Variants in SSH1 observed in about 807,000 individuals in gnomAD.
The protein encoded by SSH1 is slingshot protein phosphatase 1.
A neutral mutation model predicts 79.7 loss-of-function variants in SSH1; 43 were observed. That is an observed-to-expected ratio of 0.54 (90% CI 0.42 to 0.70). The LOEUF is 0.70. Ranked by LOEUF, SSH1 falls within the 30% of genes least tolerant of loss-of-function variation. SSH1 has a pLI of 0.00. For synonymous variants in SSH1, 599 were observed against 538.3 expected (o/e 1.11, Z -1.56); for missense variants, 1,206 against 1,358.8 (o/e 0.89, Z 1.77).
At chr12:108,823,435 G>A in intron 2 of SSH1, 74 bp from the exon 3 acceptor site, 1 of 1,285,554 alleles carries the variant, frequency 7.8e-7, no homozygotes, top group Admixed American at 2.0e-5. Context: ...TACTGCAGGG[G>A]AAAAAGCTTT....
At chr12:108,823,904 G>C (rs1040358622) in intron 2 of SSH1, among the ~76,000 whole-genome samples, 9 of 152,184 alleles carry the variant, frequency 5.9e-5, no homozygotes, top group African/African-American at 2.2e-4. Context: ...CTGACCTCCA[G>C]CAATCTGCCT....
intron 2 of SSH1, among the ~76,000 whole-genome samples, chr12:108,851,981 G>A (rs1056468790): frequency 3.3e-5 from 5 of 152,108 alleles, no homozygotes; most frequent in Non-Finnish European, 7.3e-5. Context: ...GGCCAAGCAG[G>A]AAGATGTCTT....
At chr12:108,806,439 T>C in intron 8 of SSH1, 45 bp from the exon 9 acceptor site, 1 of 1,584,614 alleles carries the variant, frequency 6.3e-7, no homozygotes, top group Non-Finnish European at 8.7e-7. Flanking sequence ...TGTAGAAAGC[T>C]TGTGGTCGGA....
In SSH1 at chr12:108,857,533, G is replaced by T; in HGVS notation, c.-37C>A. 1 of 1,057,266 alleles carries T rather than the reference G, an allele frequency of 9.5e-7. No homozygotes were observed. Among genetic ancestry groups the T allele is most frequent in the South Asian group, 2.5e-5 (1 of 39,612 alleles). The allele number at this position is 1,057,266 out of a possible 1,614,324, so 65.5% of individuals were successfully genotyped here. A position where few individuals can be genotyped will look rare whatever the true frequency, so the allele number is the denominator to read the frequency against. On this transcript the variant is annotated 5_prime_UTR_variant, in exon 1 of 15. Coordinates refer to ENST00000326495, the MANE Select transcript of SSH1 (RefSeq NM_018984.4). This position sits in a 1 kb window ranked among gnomAD's most constrained non-coding sequence, Gnocchi z 4.7. Reference sequence around the variant, plus strand: ...GGTGCGAGGGCGCCACAGACGTCTCGAGCTAGAGCCGCCACCGCCACCGCC... The same window carrying T: ...GGTGCGAGGGCGCCACAGACGTCTCTAGCTAGAGCCGCCACCGCCACCGCC...
chr12:108,849,755 C>T (rs2038975283), intron 2 of SSH1, among the ~76,000 whole-genome samples: 1 of 142,788 alleles, frequency 7.0e-6, no homozygotes, highest in Non-Finnish European at 1.5e-5. Flanking sequence ...AGTACTCACT[C>T]ATCAACAACA....
chr12:108,805,018 TC>T, intron 10 of SSH1, 37 bp downstream of exon 10: 2 of 1,609,716 alleles, frequency 1.2e-6, no homozygotes, highest in Non-Finnish European at 1.7e-6. Context: ...CTGATTTATG[TC>T]CCCCAAACCA....
chr12:108,844,021 G>A (rs2038838802), intron 2 of SSH1, among the ~76,000 whole-genome samples: 1 of 152,126 alleles, frequency 6.6e-6, no homozygotes, highest in African/African-American at 2.4e-5. Flanking sequence ...AGGAAGACAC[G>A]AATCATTCCC....
chr12:108,827,292 G>A, intron 2 of SSH1: 1 of 1,551,382 alleles, frequency 6.4e-7, no homozygotes, highest in Non-Finnish European at 8.7e-7. Flanking sequence ...CTGGACAGCA[G>A]AAGCAGTGGG....
intron 2 of SSH1, chr12:108,827,188 C>CCAAAAAAAA: frequency 7.0e-7 from 1 of 1,433,906 alleles, no homozygotes. Flanking sequence ...CCCAGGCCCC[C>CCAAAAAAAA]AAAATATAAA....
At chr12:108,813,788 G>A (rs1273925560) in intron 5 of SSH1, among the ~76,000 whole-genome samples, 1 of 149,070 alleles carries the variant, frequency 6.7e-6, no homozygotes, top group African/African-American at 2.5e-5. Flanking sequence ...GGAAGGGGAA[G>A]GGAAGGTGAA....
At position 108,810,050 on chromosome 12, in the gene SSH1, T is replaced by C. The variant is rs1030137333; in HGVS notation, c.471-292A>G. 2.0e-5 allele frequency among the ~76,000 whole-genome samples: 3 copies of C among 152,264 alleles called. 1 individual carries two copies. Among genetic ancestry groups the C allele is most frequent in the African/African-American group, 7.2e-5 (3 of 41,536 alleles). On this transcript the variant is annotated intron_variant, in intron 6 of 14. Transcript: ENST00000326495. Reference sequence around the variant, plus strand: ...GAAGGCCTCCGAGAGCGTCTCTCTATGTTCCAACGTGGTTCCTGCCTCCCT... The same window carrying C: ...GAAGGCCTCCGAGAGCGTCTCTCTACGTTCCAACGTGGTTCCTGCCTCCCT...
chr12:108,818,130 T>G, intron 4 of SSH1, 119 bp downstream of exon 4: 1 of 814,738 alleles, frequency 1.2e-6, no homozygotes, highest in Non-Finnish European at 2.1e-6. Flanking sequence ...CCCAGGAGTT[T>G]GAGGCTGTAG....
At chr12:108,847,937 T>C (rs909007996) in intron 2 of SSH1, among the ~76,000 whole-genome samples, 1 of 152,024 alleles carries the variant, frequency 6.6e-6, no homozygotes, top group Non-Finnish European at 1.5e-5. Flanking sequence ...AAATCACAAA[T>C]ATCTGGGGCA....
chr12:108,799,293 T>G, intron 12 of SSH1, 93 bp from the exon 13 acceptor site: 1 of 1,071,898 alleles, frequency 9.3e-7, no homozygotes. Context: ...TCTCAGGTTT[T>G]ACCCGAATCA....
Position 108,807,960 on chromosome 12 carries a change from G to A in SSH1, c.537-133C>T, listed in dbSNP as rs2037370165. On this transcript the variant is annotated intron_variant, in intron 7 of 14. Transcript: ENST00000326495. This position sits in a 1 kb window ranked among gnomAD's most constrained non-coding sequence, Gnocchi z 5.2. ...TGGTTGATTATTTCTTTTTGGGACA[G>A]AGTCTCGCTCTGTCACTCCCAGGCT... 2.4e-6 allele frequency: 2 copies of A among 835,064 alleles called. No individual in the cohort carries two copies. Among genetic ancestry groups the A allele is most frequent in the Non-Finnish European group, 3.9e-6 (2 of 517,190 alleles). 51.7% of individuals were successfully genotyped at this position (835,064 alleles called of 1,614,324 possible).
intron 1 of SSH1, among the ~76,000 whole-genome samples, chr12:108,853,918 G>A (rs954092634): frequency 1.4e-5 from 2 of 141,150 alleles, no homozygotes; most frequent in African/African-American, 2.7e-5. Context: ...GCAATACTTC[G>A]TTTCAAAAAA....
rs1442534173 is a variant in SSH1 at position 108,789,108 on chromosome 12, C to T, written c.2030G>A (p.Cys677Tyr). 1 of 1,613,856 alleles carries T rather than the reference C, an allele frequency of 6.2e-7. No individual in the cohort carries two copies. The highest frequency in any genetic ancestry group is 8.5e-7 in the Non-Finnish European group (1 of 1,179,852). The change falls in exon 15 of 15, where the codon TGC (cysteine) becomes TAC (tyrosine). Residue 677 changes from cysteine to tyrosine, a missense_variant. By Grantham distance (194) the Cys-to-Tyr change is radical. Around this residue, in one of 5 missense-constraint regions of SSH1, gnomAD observed 709 missense variants for 730.6 expected, o/e 0.97. Coordinates refer to ENST00000326495, the MANE Select transcript of SSH1 (RefSeq NM_018984.4). Reference protein sequence around the residue: ...RCEDPNAPAICTQPAFLPHIT... With the variant: ...RCEDPNAPAIYTQPAFLPHIT... ...GTGGGGTAGGAAGGCTGGCTGGGTG[C>T]AGATGGCGGGAGCATTGGGGTCCTC...
At chr12:108,835,424 T>TA (rs772288021) in intron 2 of SSH1, among the ~76,000 whole-genome samples, 9 of 151,696 alleles carry the variant, frequency 5.9e-5, no homozygotes, top group Admixed American at 2.0e-4. Context: ...GACTCCGTCT[T>TA]AAAAAAACAA....
At chr12:108,798,544 G>A (rs1033418829) in intron 13 of SSH1, among the ~76,000 whole-genome samples, 2 of 145,446 alleles carry the variant, frequency 1.4e-5, no homozygotes, top group Non-Finnish European at 3.0e-5. Flanking sequence ...TGAGGCTCGG[G>A]AAGACTGATG....
Sources: allele counts gnomAD v4.1 joint callset (sites outside exome capture counted in the v4.1 genomes callset), GRCh38; gene constraint gnomAD v4.1.1; regional missense constraint gnomAD v4.1.1; non-coding constraint Gnocchi (gnomAD v3.1); transcripts MANE v1.5; gene names NCBI Gene and HGNC (gene_info 2026-07-23, HGNC 2026-07-21).